PPEF1: variants seen among roughly 807,000 people sequenced by gnomAD.
PPEF1 encodes protein phosphatase with EF-hand domain 1.
In PPEF1, 12 loss-of-function variants were observed where a neutral mutation model predicts 53.3. The ratio of observed to expected loss-of-function variants is 0.23; its 90% confidence interval spans 0.14 to 0.36. PPEF1 has a LOEUF of 0.36. Among genes scored for constraint, PPEF1 ranks in the 10% least tolerant of loss-of-function variants. The pLI is 1.00. For missense variants in PPEF1, 334 were observed against 490.4 expected (o/e 0.68, Z 3.01); for synonymous variants, 165 against 176.7 (o/e 0.93, Z 0.52).
chrX:18,695,199 G>A (rs1423617778), intron 4 of PPEF1, among the ~76,000 whole-genome samples: 2 of 112,432 alleles, frequency 1.8e-5, no homozygotes, highest in Non-Finnish European at 3.8e-5. Flanking sequence ...TTGACTGAGG[G>A]CCTTAGTTCC....
chrX:18,731,111 C>T (rs192583427), intron 2 of PPEF1, among the ~76,000 whole-genome samples: 1,349 of 112,186 alleles, frequency 0.012, 8 homozygotes, highest in Non-Finnish European at 0.02. Flanking sequence ...GAAAGATCTC[C>T]AATATAGTTG....
chrX:18,821,786 AGAGAGAGAGAG>A (rs751171442), intron 13 of PPEF1, among the ~76,000 whole-genome samples: 84 of 103,608 alleles, frequency 8.1e-4, no homozygotes, highest in East Asian at 3.8e-3. Flanking sequence ...AGAGAGAGAG[AGAGAGAGAGAG>A]AGAGAGAAAA....
chrX:18,723,271 C>T (rs1602382083), intron 1 of PPEF1, among the ~76,000 whole-genome samples: 1 of 111,581 alleles, frequency 9.0e-6, no homozygotes, highest in Admixed American at 9.5e-5. Context: ...AGGCGTGAGC[C>T]ACCATGTGCA....
chrX:18,693,150 C>A (rs747507344), intron 4 of PPEF1, among the ~76,000 whole-genome samples: 2 of 112,388 alleles, frequency 1.8e-5, no homozygotes, highest in African/African-American at 6.5e-5. Context: ...TAGCAGCTAC[C>A]TCATTTAGAC....
At chrX:18,684,455 C>A (rs903690459) in intron 1 of PPEF1, among the ~76,000 whole-genome samples, 1 of 111,061 alleles carries the variant, frequency 9.0e-6, no homozygotes, top group African/African-American at 3.3e-5. Flanking sequence ...GTATACCTCT[C>A]CAGACCAGCT....
At chrX:18,772,280 T>C (rs975150423) in intron 6 of PPEF1, among the ~76,000 whole-genome samples, 2 of 111,178 alleles carry the variant, frequency 1.8e-5, no homozygotes, top group African/African-American at 6.5e-5. Flanking sequence ...TTGGTCTTGC[T>C]GTCTAGGGGT....
intron 6 of PPEF1, among the ~76,000 whole-genome samples, chrX:18,765,911 A>G (rs1425297845): frequency 1.8e-5 from 2 of 108,536 alleles, no homozygotes; most frequent in Non-Finnish European, 3.8e-5. Context: ...ATAAAAATAC[A>G]AAAATTAGCC....
chrX:18,787,469 G>T (rs1478900620), intron 9 of PPEF1, among the ~76,000 whole-genome samples: 21 of 111,577 alleles, frequency 1.9e-4, no homozygotes, highest in Admixed American at 1.7e-3. Context: ...CAAGGCATTT[G>T]CAGAAAGATG....
intron 10 of PPEF1, among the ~76,000 whole-genome samples, chrX:18,797,460 G>T (rs1012132635): frequency 2.7e-5 from 3 of 110,828 alleles, no homozygotes; most frequent in Non-Finnish European, 5.7e-5. Context: ...GGCCAGAAAG[G>T]TTTCAAAAAT....
intron 3 of PPEF1, among the ~76,000 whole-genome samples, chrX:18,740,732 C>G (rs939361948): frequency 2.7e-5 from 3 of 111,300 alleles, no homozygotes; most frequent in African/African-American, 9.8e-5. Context: ...ATCTGTCTGT[C>G]TGTCTACCTA....
intron 3 of PPEF1, among the ~76,000 whole-genome samples, chrX:18,688,469 C>T (rs1929191225): frequency 8.9e-6 from 1 of 112,966 alleles, no homozygotes; most frequent in East Asian, 2.8e-4. Context: ...TCATTAGTTA[C>T]ATCAGATTAA....
chrX:18,719,319 T>C (rs982222436), intron 1 of PPEF1, among the ~76,000 whole-genome samples: 2 of 109,392 alleles, frequency 1.8e-5, no homozygotes, highest in African/African-American at 3.4e-5. Context: ...ACTAGTGATA[T>C]AGCCAAGGAT....
intron 10 of PPEF1, among the ~76,000 whole-genome samples, chrX:18,803,303 C>G (rs774993610): frequency 1.8e-5 from 2 of 113,009 alleles, no homozygotes; most frequent in Non-Finnish European, 3.7e-5. Context: ...AGCGGTTTTC[C>G]GCCCTGGGCA....
At chrX:18,693,540 C>A (rs1292047324) in intron 4 of PPEF1, among the ~76,000 whole-genome samples, 3 of 112,254 alleles carry the variant, frequency 2.7e-5, no homozygotes, top group Non-Finnish European at 5.6e-5. Context: ...TTTGCACTAA[C>A]CTAAAGTACA....
At chrX:18,821,045 A>C (rs1461643886) in intron 13 of PPEF1, among the ~76,000 whole-genome samples, 2 of 108,403 alleles carry the variant, frequency 1.8e-5, no homozygotes, top group African/African-American at 6.7e-5. Context: ...AACACAGTGA[A>C]ACCCCGTCTC....
In PPEF1 at chrX:18,824,008, G is replaced by A; in HGVS notation, c.1587G>A (p.Leu529=). Residue 529 remains leucine (L), a synonymous_variant, in exon 14 of 16, where the codon CTG becomes CTA. Transcript: ENST00000470157. ...NLPWRSLSSN[L]VNIDQNGNVE... ...CATGGAGATCCCTCAGTTCGAATCT[G>A]GTAAACATAGACCAAAATGGAAACG... 1 of 1,206,434 alleles carries A rather than the reference G, an allele frequency of 8.3e-7. No homozygotes were observed. The highest frequency in any genetic ancestry group is 1.7e-5 in the African/African-American group (1 of 57,720).
At chrX:18,790,827 C>T (rs1466975449) in intron 10 of PPEF1, among the ~76,000 whole-genome samples, 1 of 109,536 alleles carries the variant, frequency 9.1e-6, no homozygotes, top group African/African-American at 3.3e-5. Flanking sequence ...TGCATTACCA[C>T]GCCTGGCTAA....
Position 18,784,066 on chromosome X carries a change from C to T in PPEF1, c.912+18C>T. 1 of 1,162,814 alleles carries T rather than the reference C, an allele frequency of 8.6e-7. No homozygotes were observed. Among genetic ancestry groups the T allele is most frequent in the Non-Finnish European group, 1.2e-6 (1 of 869,221 alleles). ...GGAACAAGGTAAGAAGTAATGTTGG[C>T]ATGAATCTTCTCTCAGGGATTTAGA... On this transcript the variant is annotated intron_variant, in intron 9 of 15. Coordinates refer to ENST00000470157, the MANE Select transcript of PPEF1 (RefSeq NM_001377996.1).
intron 1 of PPEF1, among the ~76,000 whole-genome samples, chrX:18,712,060 C>CT (rs2044344096): frequency 8.9e-6 from 1 of 111,939 alleles, no homozygotes; most frequent in African/African-American, 3.2e-5. Context: ...CCTACTATAG[C>CT]TTTTTTTAAT....
Sources: allele counts gnomAD v4.1 joint callset (sites outside exome capture counted in the v4.1 genomes callset), GRCh38; gene constraint gnomAD v4.1.1; transcripts MANE v1.5; gene names NCBI Gene and HGNC (gene_info 2026-07-23, HGNC 2026-07-21).